The following GNG12 variants were observed in gnomAD, a reference collection of about 807,000 sequenced individuals.
The protein encoded by GNG12 is guanine nucleotide-binding protein G(I)/G(S)/G(O) subunit gamma-12.
For synonymous variants in GNG12, 28 were observed against 29.7 expected (o/e 0.94, Z 0.19); for missense variants, 69 against 83.8 (o/e 0.82, Z 0.69).
chr1:67,763,159 A>G lies in GNG12; in HGVS notation c.-27+14299T>C, dbSNP rs983599400. 2.0e-5 allele frequency among the ~76,000 whole-genome samples: 3 copies of G among 149,510 alleles called. No homozygotes were observed. In the Admixed American group the frequency reaches 2.0e-4, roughly 10 times the overall value. Reference sequence around the variant, plus strand: ...TTTACTCCTAAATATTTCAGTGTATACTTCCTATGAATAAGAATAAGGAAT... The same window carrying G: ...TTTACTCCTAAATATTTCAGTGTATGCTTCCTATGAATAAGAATAAGGAAT... On this transcript the variant is annotated intron_variant, in intron 2 of 3. Coordinates refer to ENST00000370982, the MANE Select transcript of GNG12 (RefSeq NM_018841.6).
At chr1:67,813,818 T>G (rs920575661) in intron 1 of GNG12, among the ~76,000 whole-genome samples, 3 of 152,166 alleles carry the variant, frequency 2.0e-5, no homozygotes, top group Non-Finnish European at 4.4e-5. Flanking sequence ...CTCCTCCAAT[T>G]AAATTAAGTT....
At chr1:67,736,905 T>C (rs553382688) in intron 2 of GNG12, among the ~76,000 whole-genome samples, 3 of 152,326 alleles carry the variant, frequency 2.0e-5, no homozygotes, top group African/African-American at 4.8e-5. Flanking sequence ...TGCCTGCTAA[T>C]GTCCACAGCA....
At chr1:67,750,193 T>C (rs1646530195) in intron 2 of GNG12, among the ~76,000 whole-genome samples, 1 of 152,236 alleles carries the variant, frequency 6.6e-6, no homozygotes, top group East Asian at 1.9e-4. Flanking sequence ...GCCAGGATCA[T>C]ATGACATTCA....
At chr1:67,748,286 A>G (rs1646518320) in intron 2 of GNG12, among the ~76,000 whole-genome samples, 1 of 152,220 alleles carries the variant, frequency 6.6e-6, no homozygotes, top group Non-Finnish European at 1.5e-5. Context: ...GTTACAGATC[A>G]AGAAAGAAAT....
At chr1:67,748,760 C>G (rs988320867) in intron 2 of GNG12, among the ~76,000 whole-genome samples, 4 of 152,194 alleles carry the variant, frequency 2.6e-5, no homozygotes, top group South Asian at 2.1e-4. Context: ...CATGTGAGAT[C>G]TGAAAAGTCT....
intron 1 of GNG12, among the ~76,000 whole-genome samples, chr1:67,792,428 G>A (rs1276299): frequency 0.72 from 109,968 of 152,048 alleles, 39,877 homozygotes; most frequent in Middle Eastern, 0.79. Context: ...CATAAGATAA[G>A]GCATGATTTT....
At position 67,707,687 on chromosome 1, in the gene GNG12, C is replaced by G; in HGVS notation, c.-1G>C. 1 of 1,595,020 alleles carries G rather than the reference C, an allele frequency of 6.3e-7. No homozygotes were observed. The highest frequency in any genetic ancestry group is 2.3e-5 in the East Asian group (1 of 44,428). ...TGGTGCTTGCTGTTTTGCTGGACAT[C>G]TTCAATTATTGTTTTTACCTGAAAT... is the stretch of plus-strand genomic sequence containing the variant. On this transcript the variant is annotated 5_prime_UTR_variant, in exon 3 of 4. Transcript: ENST00000370982.
intron 1 of GNG12, among the ~76,000 whole-genome samples, chr1:67,788,948 A>C (rs1215860322): frequency 6.6e-6 from 1 of 152,224 alleles, no homozygotes; most frequent in African/African-American, 2.4e-5. Flanking sequence ...ACTACGAAAA[A>C]GAAAATGATG....
intron 2 of GNG12, among the ~76,000 whole-genome samples, chr1:67,719,357 T>C (rs757863932): frequency 3.9e-5 from 6 of 152,196 alleles, no homozygotes; most frequent in Non-Finnish European, 7.3e-5. Context: ...TTACATCTTA[T>C]GGGTTCAAGG....
At chr1:67,819,030 G>A (rs1646970650) in intron 1 of GNG12, among the ~76,000 whole-genome samples, 1 of 152,130 alleles carries the variant, frequency 6.6e-6, no homozygotes, top group African/African-American at 2.4e-5. Flanking sequence ...TGAAATTTAT[G>A]TTTTCAAGAA....
chr1:67,741,275 A>C lies in GNG12; in HGVS notation c.-26-33563T>G, dbSNP rs568201682. ...CCTTTGGGAGAAATAAACACGTCAG[A>C]GTTCCTGGCCATTCTGATTGCACAC... On this transcript the variant is annotated intron_variant, in intron 2 of 3. Transcript: ENST00000370982. Among the ~76,000 whole-genome samples, 12 of 152,376 alleles carry C rather than the reference A, an allele frequency of 7.9e-5. No homozygotes were observed. In the South Asian group the frequency reaches 2.5e-3, roughly 32 times the overall value.
At chr1:67,825,849 C>G (rs1201038481) in intron 1 of GNG12, among the ~76,000 whole-genome samples, 1 of 152,208 alleles carries the variant, frequency 6.6e-6, no homozygotes, top group African/African-American at 2.4e-5. Context: ...TTAGGCAATA[C>G]TGAGCATGCT....
chr1:67,746,593 C>T (rs1646508809), intron 2 of GNG12, among the ~76,000 whole-genome samples: 1 of 152,122 alleles, frequency 6.6e-6, no homozygotes, highest in African/African-American at 2.4e-5. Context: ...AGGAGCCTCC[C>T]TCATTCCTCT....
At chr1:67,790,038 C>T (rs1384872739) in intron 1 of GNG12, among the ~76,000 whole-genome samples, 1 of 152,192 alleles carries the variant, frequency 6.6e-6, no homozygotes, top group Non-Finnish European at 1.5e-5. Flanking sequence ...ATTCTAAGGA[C>T]TTGCTCATCT....
intron 2 of GNG12, among the ~76,000 whole-genome samples, chr1:67,757,245 T>C (rs531948480): frequency 2.0e-5 from 3 of 152,308 alleles, no homozygotes; most frequent in South Asian, 4.1e-4. Context: ...CACTGAACCA[T>C]CACAAAGCAA....
At chr1:67,762,630 C>T (rs769572293) in intron 2 of GNG12, among the ~76,000 whole-genome samples, 17 of 152,074 alleles carry the variant, frequency 1.1e-4, no homozygotes, top group Non-Finnish European at 2.2e-4. Context: ...GTGGTAAAGA[C>T]GCAGAGTAAG....
intron 2 of GNG12, among the ~76,000 whole-genome samples, chr1:67,768,066 T>C (rs1202895981): frequency 6.6e-6 from 1 of 152,256 alleles, no homozygotes; most frequent in Non-Finnish European, 1.5e-5. Flanking sequence ...CACATGCCAC[T>C]GTGCTTGGTC....
At chr1:67,736,543 C>T (rs1045734592) in intron 2 of GNG12, among the ~76,000 whole-genome samples, 8 of 152,152 alleles carry the variant, frequency 5.3e-5, no homozygotes, top group African/African-American at 1.7e-4. Context: ...GGCAGGGATG[C>T]GTGAGTAATG....
chr1:67,813,496 A>G (rs189842359), intron 1 of GNG12, among the ~76,000 whole-genome samples: 8 of 152,334 alleles, frequency 5.3e-5, no homozygotes. Flanking sequence ...CCCCTGTTCC[A>G]AGGAAACTGG....
Sources: gnomAD v4.1 joint callset for allele counts (sites outside exome capture counted in the v4.1 genomes callset) on GRCh38, gnomAD v4.1.1 for gene constraint, MANE v1.5 for transcripts, NCBI Gene and HGNC (gene_info 2026-07-23, HGNC 2026-07-21) for gene names.